Variants in TANC2 observed in about 807,000 individuals in gnomAD.
The protein encoded by TANC2 is tetratricopeptide repeat, ankyrin repeat and coiled-coil containing 2.
Under a neutral mutation model 210.5 loss-of-function variants are expected in TANC2, and 26 were observed. The ratio of observed to expected loss-of-function variants is 0.12; its 90% CI spans 0.09 to 0.17. The LOEUF is 0.17. Among genes scored for constraint, TANC2 ranks in the 10% least tolerant of loss-of-function variants. The probability of loss-of-function intolerance (pLI) is 1.00; values close to 1 mark genes in which losing one functional copy is unlikely to be tolerated. For missense variants in TANC2, 2,129 were observed against 2,608.9 expected (o/e 0.82, Z 4.01); for synonymous variants, 931 against 967.1 (o/e 0.96, Z 0.69).
chr17:63,304,217 G>A (rs941632332), intron 9 of TANC2, among the ~76,000 whole-genome samples: 1 of 152,068 alleles, frequency 6.6e-6, no homozygotes, highest in African/African-American at 2.4e-5. Context: ...TCCTCTTCAT[G>A]AGTCTGTCTA....
At chr17:63,255,903 CTT>C (rs1170508286) in intron 8 of TANC2, among the ~76,000 whole-genome samples, 2 of 84,224 alleles carry the variant, frequency 2.4e-5, no homozygotes, top group African/African-American at 9.8e-5. Context: ...TTTGACTTTT[CTT>C]TTTTTTTTTT....
chr17:63,052,404 T>TGGAGGGAGCTACATTTTATGCAGA (rs1340320805), intron 2 of TANC2, among the ~76,000 whole-genome samples: 3 of 152,194 alleles, frequency 2.0e-5, no homozygotes, highest in African/African-American at 7.2e-5. Context: ...TACAGTCAAG[T>TGGAGGGAGCTACATTTTATGCAGA]GGAGGGAGCT....
At chr17:63,137,714 A>G (rs922765540) in intron 4 of TANC2, among the ~76,000 whole-genome samples, 1 of 152,208 alleles carries the variant, frequency 6.6e-6, no homozygotes, top group African/African-American at 2.4e-5. Context: ...ATAATGATTA[A>G]CCAGCTATCA....
At chr17:63,022,340 CAAA>C (rs71155967) in intron 2 of TANC2, among the ~76,000 whole-genome samples, 1 of 138,050 alleles carries the variant, frequency 7.2e-6, no homozygotes, top group Admixed American at 7.3e-5. Flanking sequence ...AACTCCATCT[CAAA>C]AAAAAAAAAA....
Position 63,036,852 on chromosome 17 carries a change from T to TC in TANC2, c.67+27226_67+27227insC, listed in dbSNP as rs1598293923. Among the ~76,000 whole-genome samples the TC allele has an allele frequency of 6.6e-5, 10 of 151,518 alleles. No individual in the cohort carries two copies. In the East Asian group the frequency reaches 1.9e-3, roughly 29 times the overall value. On this transcript the variant is annotated intron_variant, in intron 2 of 27. Coordinates refer to ENST00000689528, the Ensembl canonical transcript of TANC2. Reference sequence around the variant, plus strand: ...CATTAGACTTACATGTAAGTTTTTTTTTTTTTTTTTTGAGCTAGTGGTACA... The same window carrying TC: ...CATTAGACTTACATGTAAGTTTTTTTCTTTTTTTTTTTGAGCTAGTGGTACA...
chr17:63,179,005 T>C (rs2145633788), intron 5 of TANC2, among the ~76,000 whole-genome samples: 1 of 152,316 alleles, frequency 6.6e-6, no homozygotes, highest in Admixed American at 6.5e-5. Flanking sequence ...ACTGGAGAAT[T>C]GGCATCATCA....
chr17:63,252,949 C>T (rs2043093708), intron 8 of TANC2, among the ~76,000 whole-genome samples: 1 of 152,162 alleles, frequency 6.6e-6, no homozygotes, highest in Admixed American at 6.6e-5. Context: ...AAACATGGAA[C>T]TGCAGATACT....
intron 8 of TANC2, among the ~76,000 whole-genome samples, chr17:63,264,718 C>T (rs1428783003): frequency 1.3e-5 from 2 of 152,078 alleles, no homozygotes; most frequent in East Asian, 1.9e-4. Flanking sequence ...GGCTTGCTGG[C>T]ATTGGAGAGG....
chr17:63,158,948 C>G (rs1402108416), intron 5 of TANC2, among the ~76,000 whole-genome samples: 1 of 152,174 alleles, frequency 6.6e-6, no homozygotes, highest in Non-Finnish European at 1.5e-5. Flanking sequence ...CTGAGGGCTT[C>G]TATTCCTCAC....
intron 2 of TANC2, among the ~76,000 whole-genome samples, chr17:63,013,432 A>C (rs2033962234): frequency 6.6e-6 from 1 of 152,130 alleles, no homozygotes; most frequent in Non-Finnish European, 1.5e-5. Context: ...TGGTATGCCT[A>C]AGAGTATTTT....
At chr17:63,383,342 T>A (rs769400840) in intron 15 of TANC2, among the ~76,000 whole-genome samples, 2 of 152,192 alleles carry the variant, frequency 1.3e-5, no homozygotes, top group Non-Finnish European at 2.9e-5. Context: ...AAAATTCCTT[T>A]ATCCGCCACC....
At chr17:63,333,030 G>C (rs1013908628) in intron 11 of TANC2, among the ~76,000 whole-genome samples, 1 of 152,200 alleles carries the variant, frequency 6.6e-6, no homozygotes, top group Non-Finnish European at 1.5e-5. Flanking sequence ...TCACCTAAGA[G>C]CTCTGATGGT....
chr17:63,115,912 A>C (rs74993683), intron 4 of TANC2, among the ~76,000 whole-genome samples: 4,493 of 152,272 alleles, frequency 0.03, 83 homozygotes, highest in South Asian at 0.037. Flanking sequence ...AGACTAGTCA[A>C]ATGCATGTCC....
rs764956089 is a variant in TANC2, at chr17:63,412,816, A to C, written c.3928+107A>C. The stretch of plus-strand genomic sequence containing the variant: ...GAGTTCCCTACACCTCTAATCTTTT[A>C]ATTTACTTCACCTTAAAAGAAGATT... On this transcript the variant is annotated intron_variant, in intron 24 of 27. Coordinates refer to ENST00000689528, the Ensembl canonical transcript of TANC2. The surrounding 1 kb of genome is among the most constrained non-coding windows in gnomAD (Gnocchi z 4.2). The C allele has an allele frequency of 6.0e-6, 8 of 1,323,662 alleles. No individual in the cohort carries two copies. Among genetic ancestry groups the C allele is most frequent in the Non-Finnish European group, 8.1e-6 (8 of 987,396 alleles). 82.0% of individuals were successfully genotyped at this position (1,323,662 alleles called of 1,614,324 possible).
At chr17:63,018,492 AT>A (rs199796586) in intron 2 of TANC2, among the ~76,000 whole-genome samples, 4,122 of 150,006 alleles carry the variant, frequency 0.027, 69 homozygotes, top group South Asian at 0.033. Flanking sequence ...AAAAAAAAAA[AT>A]AAATAAATAA....
intron 4 of TANC2, among the ~76,000 whole-genome samples, chr17:63,118,328 T>G (rs961490011): frequency 2.0e-5 from 3 of 152,216 alleles, no homozygotes; most frequent in African/African-American, 7.2e-5. Flanking sequence ...TTAGACTAAA[T>G]TAGAAATTTA....
At chr17:63,358,683 G>A (rs1377651868) in intron 14 of TANC2, among the ~76,000 whole-genome samples, 2 of 152,074 alleles carry the variant, frequency 1.3e-5, no homozygotes, top group African/African-American at 4.8e-5. Context: ...GTAAAGAGAT[G>A]GAAAACCTAT....
chr17:63,292,944 T>C (rs928602613), intron 9 of TANC2, among the ~76,000 whole-genome samples: 4 of 152,208 alleles, frequency 2.6e-5, no homozygotes, highest in African/African-American at 9.6e-5. Flanking sequence ...AAGTCCACAG[T>C]TTACCCTCCC....
chr17:63,212,181 AATTC>A (rs1455941093), intron 7 of TANC2, among the ~76,000 whole-genome samples: 1 of 152,010 alleles, frequency 6.6e-6, no homozygotes, highest in African/African-American at 2.4e-5. Context: ...GCATTTTTTA[AATTC>A]ATTTTTTGGC....
Sources: allele counts gnomAD v4.1 joint callset (sites outside exome capture counted in the v4.1 genomes callset), GRCh38; gene constraint gnomAD v4.1.1; non-coding constraint Gnocchi (gnomAD v3.1); transcripts MANE v1.5; gene names NCBI Gene and HGNC (gene_info 2026-07-23, HGNC 2026-07-21).